CD160: variants seen among roughly 807,000 people sequenced by gnomAD.
The protein encoded by CD160 is CD160 molecule.
A neutral mutation model predicts 19.2 loss-of-function variants in CD160; 11 were observed. That is an observed-to-expected ratio of 0.57 (90% CI 0.36 to 0.95). The LOEUF (loss-of-function observed/expected upper bound fraction) is 0.95. Ranked by LOEUF, CD160 falls within the 40% of genes least tolerant of loss-of-function variation. CD160 has a pLI of 0.01. For synonymous variants in CD160, 75 were observed against 81.1 expected (o/e 0.93, Z 0.40); for missense variants, 182 against 213.2 (o/e 0.85, Z 0.91).
chr1:145,723,555 T>C (rs1399335686), intron 1 of CD160, among the ~76,000 whole-genome samples: 1 of 152,232 alleles, frequency 6.6e-6, no homozygotes, highest in Non-Finnish European at 1.5e-5. Flanking sequence ...TCAACCATTC[T>C]CACCAGTGGG....
chr1:145,727,121 G>A (rs587747294), intron 2 of CD160, among the ~76,000 whole-genome samples: 25 of 152,066 alleles, frequency 1.6e-4, no homozygotes, highest in African/African-American at 5.8e-4. Flanking sequence ...CACTTCAAAA[G>A]TTATAAACTA....
intron 1 of CD160, among the ~76,000 whole-genome samples, chr1:145,721,685 C>T (rs1656855297): frequency 6.6e-6 from 1 of 152,138 alleles, no homozygotes; most frequent in Admixed American, 6.5e-5. Flanking sequence ...CAACATTCCA[C>T]AGCTACCTAG....
At chr1:145,720,561 T>C (rs1187466423) in intron 1 of CD160, among the ~76,000 whole-genome samples, 3 of 152,168 alleles carry the variant, frequency 2.0e-5, no homozygotes, top group Non-Finnish European at 4.4e-5. Flanking sequence ...AAATGAGATC[T>C]TTCTGGGCAT....
intron 3 of CD160, among the ~76,000 whole-genome samples, chr1:145,729,290 T>C (rs1657187950): frequency 6.6e-6 from 1 of 152,142 alleles, no homozygotes; most frequent in African/African-American, 2.4e-5. Context: ...ACCGTTTTCA[T>C]GAGAGTGAAT....
Position 145,726,965 on chromosome 1 carries a change from T to C in CD160, c.-72-1291T>C, listed in dbSNP as rs1357446522. ...ATATAAATTGAACATATCCCAATTT[T>C]AAAATACCAATAGGACTTTTTCTTG... On this transcript the variant is annotated intron_variant, in intron 2 of 5. Coordinates refer to ENST00000369288, the MANE Select transcript of CD160 (RefSeq NM_007053.4). 2.0e-5 allele frequency among the ~76,000 whole-genome samples: 3 copies of C among 152,268 alleles called. No individual in the cohort carries two copies. In the East Asian group the frequency reaches 5.8e-4, roughly 29 times the overall value.
Position 145,726,266 on chromosome 1 carries a change from C to T in CD160, c.-73+1360C>T, listed in dbSNP as rs191452127. On this transcript the variant is annotated intron_variant, in intron 2 of 5. Transcript: ENST00000369288. ...ACCCAAAGGATTATAAATCATTCTA[C>T]GATAAAGATGCACAAGTATGTTTAT... 2.6e-3 allele frequency among the ~76,000 whole-genome samples: 403 copies of T among 152,144 alleles called. 6 individuals are homozygous for T. Among genetic ancestry groups the T allele is most frequent in the Admixed American group, 0.011 (169 of 15,280 alleles).
chr1:145,723,975 A>G (rs1418246328), intron 1 of CD160, among the ~76,000 whole-genome samples: 3 of 152,206 alleles, frequency 2.0e-5, no homozygotes, highest in African/African-American at 7.2e-5. Flanking sequence ...TCTGTAAGCT[A>G]TAGCCAAAGG....
intron 2 of CD160, 158 bp from the exon 3 acceptor site, chr1:145,728,098 C>T: frequency 7.9e-6 from 4 of 504,356 alleles, no homozygotes; most frequent in Middle Eastern, 1.1e-3. Context: ...GTGTATCTCA[C>T]TTGGTTTACC....
At chr1:145,726,503 T>C (rs115243157) in intron 2 of CD160, among the ~76,000 whole-genome samples, 1,634 of 152,302 alleles carry the variant, frequency 0.011, 10 homozygotes, top group Non-Finnish European at 0.018. Context: ...ACACTGCATG[T>C]TCTCGCTCAT....
In CD160 at chr1:145,739,072, C is replaced by G. The variant is rs1373501219; in HGVS notation, c.*579C>G. On this transcript the variant is annotated 3_prime_UTR_variant, in exon 6 of 6. Transcript: ENST00000369288. ...AGATTTGTGCAGACCAAGAGCACCA[C>G]AGACTACAACTGCCCAGCTTCATCT... 1 of 152,850 alleles carries G rather than the reference C, an allele frequency of 6.5e-6. No homozygotes were observed. Among genetic ancestry groups the G allele is most frequent in the Non-Finnish European group, 1.5e-5 (1 of 68,218 alleles). 9.5% of individuals were successfully genotyped at this position (152,850 alleles called of 1,614,324 possible).
chr1:145,722,767 A>ATT (rs1386741061), intron 1 of CD160, among the ~76,000 whole-genome samples: 1 of 150,986 alleles, frequency 6.6e-6, no homozygotes, highest in East Asian at 2.0e-4. Flanking sequence ...AATTTTTTGT[A>ATT]TTTTTTTTAG....
At chr1:145,734,341 A>G (rs782633761) in intron 4 of CD160, among the ~76,000 whole-genome samples, 33 of 152,120 alleles carry the variant, frequency 2.2e-4, no homozygotes, top group South Asian at 4.1e-4. Context: ...TCTGCCTCCA[A>G]TCCATTCTAC....
rs587659994 is a variant in CD160, at chr1:145,738,790, G to A, written c.*297G>A. ...CCTCAAATATCGGATAAATATATGC[G>A]TTTTTGTACCCCAGAAAAACTTTTC... On this transcript the variant is annotated 3_prime_UTR_variant, in exon 6 of 6. Transcript: ENST00000369288. 1.6e-5 allele frequency: 4 copies of A among 257,942 alleles called. No homozygotes were observed. Among genetic ancestry groups the A allele is most frequent in the Non-Finnish European group, 2.9e-5 (4 of 136,400 alleles). 16.0% of individuals were successfully genotyped at this position (257,942 alleles called of 1,614,324 possible).
intron 1 of CD160, among the ~76,000 whole-genome samples, chr1:145,721,859 C>T (rs587663185): frequency 3.9e-5 from 6 of 152,316 alleles, no homozygotes; most frequent in African/African-American, 1.4e-4. Context: ...AGAATTTCTC[C>T]TGTGCTGCCC....
In CD160 at chr1:145,730,783, C is replaced by T. The variant is rs141408169; in HGVS notation, c.113C>T (p.Thr38Met). ...NITSSASQEG[T>M]RLNLICTVWH... is the part of the protein sequence containing the mutation. ...ACCAGCTCAGCTTCCCAGGAAGGAA[C>T]GCGACTAAACTTAATCTGTACTGTA... Residue 38 changes from threonine to methionine, a missense_variant, in exon 4 of 6, where the codon ACG becomes ATG. Transcript: ENST00000369288. The T allele has an allele frequency of 8.9e-5, 143 of 1,613,804 alleles. No homozygotes were observed. In the African/African-American group the frequency reaches 1.5e-3, roughly 17 times the overall value.
chr1:145,733,034 A>G (rs913858031), intron 4 of CD160, among the ~76,000 whole-genome samples: 3 of 152,220 alleles, frequency 2.0e-5, no homozygotes, highest in African/African-American at 7.2e-5. Flanking sequence ...GTCTCAGACA[A>G]TAAGCCTAGG....
At chr1:145,735,974 TC>T (rs1553710063) in intron 4 of CD160, 22 bp from the exon 5 acceptor site, 1 of 1,568,558 alleles carries the variant, frequency 6.4e-7, no homozygotes, top group African/African-American at 1.4e-5. Context: ...CCTCCCCTGA[TC>T]CATGATTCTC....
chr1:145,735,389 C>T (rs1404341917), intron 4 of CD160, among the ~76,000 whole-genome samples: 1 of 152,066 alleles, frequency 6.6e-6, no homozygotes, highest in East Asian at 1.9e-4. Context: ...AGTTCGAGAC[C>T]AGCCTGGGCA....
intron 2 of CD160, 79 bp from the exon 3 acceptor site, chr1:145,728,177 T>C (rs1391120777): frequency 1.6e-6 from 1 of 624,194 alleles, no homozygotes; most frequent in Non-Finnish European, 2.9e-6. Flanking sequence ...CTCTAGCCAA[T>C]CAAAGCTAGA....
Sources: allele counts gnomAD v4.1 joint callset (sites outside exome capture counted in the v4.1 genomes callset), GRCh38; gene constraint gnomAD v4.1.1; transcripts MANE v1.5; gene names NCBI Gene and HGNC (gene_info 2026-07-23, HGNC 2026-07-21).